Variants in ATF2 observed in about 807,000 individuals in gnomAD.
ATF2 encodes the protein cyclic AMP-dependent transcription factor ATF-2.
Under a neutral mutation model 60.6 loss-of-function variants are expected in ATF2, and 24 were observed. The observed-to-expected ratio is 0.40, with a 90% confidence interval of 0.29 to 0.56. The LOEUF is 0.56. Among genes scored for constraint, ATF2 ranks in the 20% least tolerant of loss-of-function variants. The pLI, the probability that ATF2 is intolerant of heterozygous loss-of-function variation, is 0.54. For missense variants in ATF2, 433 were observed against 607.7 expected (o/e 0.71, Z 3.02); for synonymous variants, 206 against 215.4 (o/e 0.96, Z 0.38).
chr2:175,081,165 A>G (rs1412603875), intron 12 of ATF2, among the ~76,000 whole-genome samples: 2 of 152,314 alleles, frequency 1.3e-5, no homozygotes, highest in East Asian at 1.9e-4. Context: ...AATGAAAAAA[A>G]TCATCCTAGA....
chr2:175,123,186 G>GA (rs1697088136), intron 4 of ATF2, among the ~76,000 whole-genome samples: 1 of 152,018 alleles, frequency 6.6e-6, no homozygotes. Context: ...GGAGAAATAA[G>GA]AAACAGTGGT....
At chr2:175,077,510 T>TA (rs1217796883) in intron 13 of ATF2, among the ~76,000 whole-genome samples, 1 of 152,158 alleles carries the variant, frequency 6.6e-6, no homozygotes, top group Non-Finnish European at 1.5e-5. Context: ...CACTATTCTT[T>TA]AAAAGAACAA....
At chr2:175,160,123 G>A (rs993526047) in intron 1 of ATF2, among the ~76,000 whole-genome samples, 2 of 152,170 alleles carry the variant, frequency 1.3e-5, no homozygotes, top group Admixed American at 6.5e-5. Context: ...GGTGGCTCAC[G>A]CCTGTAACCC....
At chr2:175,154,928 G>T (rs983882491) in intron 1 of ATF2, among the ~76,000 whole-genome samples, 2 of 152,182 alleles carry the variant, frequency 1.3e-5, no homozygotes, top group Non-Finnish European at 2.9e-5. Flanking sequence ...CTTGGGCATG[G>T]CCTCAAAAGT....
chr2:175,159,913 A>C (rs1450603668), intron 1 of ATF2, among the ~76,000 whole-genome samples: 3 of 152,226 alleles, frequency 2.0e-5, no homozygotes, highest in African/African-American at 7.2e-5. Flanking sequence ...TTTTTGCCCA[A>C]GGTAGGTGAT....
chr2:175,123,373 A>G (rs760241247), intron 4 of ATF2, among the ~76,000 whole-genome samples: 2 of 152,068 alleles, frequency 1.3e-5, no homozygotes, highest in Admixed American at 6.6e-5. Flanking sequence ...AGAACCTCAT[A>G]ATGTGGCTTT....
chr2:175,138,501 T>C (rs991129601), intron 2 of ATF2, among the ~76,000 whole-genome samples: 4 of 152,208 alleles, frequency 2.6e-5, no homozygotes, highest in African/African-American at 9.6e-5. Flanking sequence ...TAGGTATACT[T>C]TGAGAGATAC....
rs111253352 is a variant in ATF2, at chr2:175,144,830, G to C, written c.-44+6230C>G. ...TCCACATGAAGTAAAGGATAGGAGTGGCACTAGTCCAGCACAGGGTGTCAG... is the reference window on the plus strand; with the variant it reads ...TCCACATGAAGTAAAGGATAGGAGTCGCACTAGTCCAGCACAGGGTGTCAG... On this transcript the variant is annotated intron_variant, in intron 2 of 13. Transcript: ENST00000264110. Among the ~76,000 whole-genome samples the C allele has an allele frequency of 1.9e-3, 294 of 152,330 alleles. 1 individual carries two copies. Among genetic ancestry groups the C allele is most frequent in the African/African-American group, 6.9e-3 (285 of 41,576 alleles).
intron 4 of ATF2, among the ~76,000 whole-genome samples, chr2:175,123,772 G>T (rs1336362132): frequency 6.6e-6 from 1 of 152,042 alleles, no homozygotes; most frequent in South Asian, 2.1e-4. Flanking sequence ...TTTACAAAGG[G>T]ATTACTGATC....
In ATF2 at chr2:175,141,822, T is replaced by C. The variant is rs191925739; in HGVS notation, c.-43-5336A>G. Among the ~76,000 whole-genome samples, 16 of 152,118 alleles carry C rather than the reference T, an allele frequency of 1.1e-4. 3 individuals are homozygous for C. The highest frequency in any genetic ancestry group is 3.9e-4 in the African/African-American group (16 of 41,512). ...TAAATATATTTTTCAAATGTGAATC[T>C]ACAAAAATCTTAACATGTATGCTAT... is the stretch of plus-strand genomic sequence containing the variant. On this transcript the variant is annotated intron_variant, in intron 2 of 13. Transcript: ENST00000264110.
chr2:175,147,018 G>A (rs1029317495), intron 2 of ATF2, among the ~76,000 whole-genome samples: 1 of 152,022 alleles, frequency 6.6e-6, no homozygotes, highest in African/African-American at 2.4e-5. Flanking sequence ...TTCATGCTAT[G>A]ATATATATCA....
At chr2:175,149,963 A>T (rs1699197054) in intron 2 of ATF2, among the ~76,000 whole-genome samples, 1 of 152,200 alleles carries the variant, frequency 6.6e-6, no homozygotes, top group Non-Finnish European at 1.5e-5. Flanking sequence ...CACATGCAAT[A>T]GGGTAGGAAT....
intron 12 of ATF2, among the ~76,000 whole-genome samples, chr2:175,090,845 C>T (rs904871157): frequency 6.6e-6 from 1 of 152,038 alleles, no homozygotes; most frequent in African/African-American, 2.4e-5. Flanking sequence ...CAAAGCACTG[C>T]TACAATAATG....
At chr2:175,161,237 A>C (rs1031772894) in intron 1 of ATF2, among the ~76,000 whole-genome samples, 2 of 152,210 alleles carry the variant, frequency 1.3e-5, no homozygotes, top group African/African-American at 4.8e-5. Context: ...CAAATTATAA[A>C]TTCTTAGGGA....
At chr2:175,100,239 T>C (rs1199134119) in intron 10 of ATF2, among the ~76,000 whole-genome samples, 5 of 152,226 alleles carry the variant, frequency 3.3e-5, no homozygotes, top group Non-Finnish European at 5.9e-5. Context: ...CAGAGTTGAA[T>C]TGAAAAATAA....
chr2:175,111,431 T>C, intron 10 of ATF2, 137 bp downstream of exon 10: 1 of 578,746 alleles, frequency 1.7e-6, no homozygotes. Context: ...TCAAATTTTG[T>C]GGTTTATCTA....
intron 10 of ATF2, among the ~76,000 whole-genome samples, chr2:175,105,321 A>C (rs528187692): frequency 2.5e-4 from 35 of 140,384 alleles, no homozygotes; most frequent in African/African-American, 7.7e-4. Flanking sequence ...CCCCCCCCCC[A>C]AAAAAATATG....
At chr2:175,075,199 G>T in intron 13 of ATF2, 1 of 536,776 alleles carries the variant, frequency 1.9e-6, no homozygotes, top group Non-Finnish European at 2.7e-6. Context: ...TGGCCTACAT[G>T]TCATTCTTAT....
chr2:175,100,933 T>C (rs1369530360), intron 10 of ATF2, among the ~76,000 whole-genome samples: 1 of 152,184 alleles, frequency 6.6e-6, no homozygotes, highest in Non-Finnish European at 1.5e-5. Flanking sequence ...GGAAAACTGC[T>C]GGCGAGTGTA....
Sources: gnomAD v4.1 joint callset for allele counts (sites outside exome capture counted in the v4.1 genomes callset) on GRCh38, gnomAD v4.1.1 for gene constraint, MANE v1.5 for transcripts, NCBI Gene and HGNC (gene_info 2026-07-23, HGNC 2026-07-21) for gene names.